GCGR: variants seen among roughly 807,000 people sequenced by gnomAD.
GCGR encodes the protein glucagon receptor.
GCGR carries 41 observed loss-of-function variants against 56.1 expected under a neutral mutation model. The ratio of observed to expected loss-of-function variants is 0.73; its 90% CI spans 0.57 to 0.95. The LOEUF (loss-of-function observed/expected upper bound fraction) is 0.95. GCGR is among the 40% of genes least tolerant of loss of function. GCGR has a pLI of 0.00. For synonymous variants in GCGR, 278 were observed against 271.1 expected, an observed-to-expected ratio of 1.03 and a Z score of -0.25; for missense variants, 595 against 638.2, an observed-to-expected ratio of 0.93 and a Z score of 0.73.
Position 81,808,922 on chromosome 17 carries a change from C to T in GCGR, c.-97C>T, listed in dbSNP as rs2038016373. 3.5e-6 allele frequency: 5 copies of T among 1,443,270 alleles called. No individual in the cohort carries two copies. The highest frequency in any genetic ancestry group is 3.8e-6 in the Non-Finnish European group (4 of 1,064,432). 89.4% of individuals were successfully genotyped at this position (1,443,270 alleles called of 1,614,324 possible). On this transcript the variant is annotated 5_prime_UTR_variant, in exon 2 of 14. Coordinates refer to ENST00000400723, the MANE Select transcript of GCGR (RefSeq NM_000160.5). ...CCCCAGGCTCTGCTGCTCTGCCACT[C>T]AGCTGCCCTCGGAGGAGCGTACACA...
Position 81,809,418 on chromosome 17 carries a change from C to T in GCGR, c.60+340C>T, listed in dbSNP as rs1380881822. On this transcript the variant is annotated intron_variant, in intron 2 of 13. Transcript: ENST00000400723. The stretch of plus-strand genomic sequence containing the variant: ...GTCTGCCTGTCTGCCTGTCCGTCTG[C>T]CTGCCTGTCCGTCTGCCTGTCCGTC... Among the ~76,000 whole-genome samples, 16 of 129,946 alleles carry T rather than the reference C, an allele frequency of 1.2e-4. No homozygotes were observed. The South Asian group carries it at 2.2e-3, about 18-fold the overall frequency. The allele number at this position is 129,946 out of a possible 152,430, so 85.2% of individuals were successfully genotyped here.
rs1457619135 is a variant in GCGR, at chr17:81,811,481, T to G, written c.578T>G (p.Val193Gly). The change falls in exon 7 of 14, where the codon GTC (valine) becomes GGC (glycine). Residue 193 changes from valine (V) to glycine (G), a missense_variant. Val to Gly is a moderately radical substitution (Grantham distance 109, BLOSUM62 -3). Coordinates refer to ENST00000400723, the MANE Select transcript of GCGR (RefSeq NM_000160.5). This position sits in a 1 kb window ranked among gnomAD's most constrained non-coding sequence, Gnocchi z 5.8. ...SFVLKASSVL[V>G]IDGLLRTRYS... Reference sequence around the variant, plus strand: ...GTGCTGAAAGCCAGCTCCGTGCTGGTCATTGATGGGCTGCTCAGGACCCGC... The same window carrying G: ...GTGCTGAAAGCCAGCTCCGTGCTGGGCATTGATGGGCTGCTCAGGACCCGC... 1 of 1,536,646 alleles carries G rather than the reference T, an allele frequency of 6.5e-7. No homozygotes were observed. The highest frequency in any genetic ancestry group is 8.7e-7 in the Non-Finnish European group (1 of 1,146,852).
In GCGR at chr17:81,810,287, G is replaced by A. The variant is rs1381577448; in HGVS notation, c.163+403G>A. 2 of 354,586 alleles carry A rather than the reference G, an allele frequency of 5.6e-6. No homozygotes were observed. The highest frequency in any genetic ancestry group is 4.2e-5 in the African/African-American group (2 of 47,422). 22.0% of individuals were successfully genotyped at this position (354,586 alleles called of 1,614,324 possible). A position where few individuals can be genotyped will look rare whatever the true frequency, so the allele number is the denominator to read the frequency against. On this transcript the variant is annotated intron_variant, in intron 3 of 13. Transcript: ENST00000400723. The surrounding 1 kb of genome is among the most constrained non-coding windows in gnomAD (Gnocchi z 4.6). ...TCATGGCCTGGACACTTGGGGTGCA[G>A]GGAGAGGATAGGGCTGGAGGACTCA... is the stretch of plus-strand genomic sequence containing the variant.
At position 81,810,860 on chromosome 17, in the gene GCGR, T is replaced by C; in HGVS notation, c.199T>C (p.Cys67Arg). The change falls in exon 4 of 14, where the codon TGC (cysteine) becomes CGC (arginine). Residue 67 changes from cysteine (C) to arginine (R), a missense_variant. By Grantham distance (180) the Cys-to-Arg change is radical. Transcript: ENST00000400723. The surrounding 1 kb of genome is among the most constrained non-coding windows in gnomAD (Gnocchi z 4.6). ...CAACAGAACCTTCGACAAGTATTCC[T>C]GCTGGCCGGACACCCCCGCCAATAC... The part of the protein sequence containing the change: ...VCNRTFDKYS[C>R]WPDTPANTTA... 6.5e-7 allele frequency: 1 copy of C among 1,534,254 alleles called. No individual in the cohort carries two copies. Among genetic ancestry groups the C allele is most frequent in the Non-Finnish European group, 8.7e-7 (1 of 1,145,578 alleles).
In GCGR at chr17:81,809,835, C is replaced by T. The variant is rs971096752; in HGVS notation, c.114C>T (p.Leu38=). 2.6e-6 allele frequency: 4 copies of T among 1,536,650 alleles called. No individual in the cohort carries two copies. The highest frequency in any genetic ancestry group is 3.5e-6 in the Non-Finnish European group (4 of 1,146,892). ...VMDFLFEKWK[L]YGDQCHHNLS... ...ACTTCCTGTTTGAGAAGTGGAAGCT[C>T]TACGGTGACCAGTGTCACCACAACC... The change falls in exon 3 of 14, where the codon CTC becomes CTT. Residue 38 remains leucine (L), a synonymous_variant. Transcript: ENST00000400723.
In GCGR at chr17:81,812,303, G is replaced by A. The variant is rs540835244; in HGVS notation, c.948+51G>A. 14 of 1,525,380 alleles carry A rather than the reference G, an allele frequency of 9.2e-6. No homozygotes were observed. The highest frequency in any genetic ancestry group is 3.6e-5 in the South Asian group (3 of 83,816). The allele number at this position is 1,525,380 out of a possible 1,614,324, so 94.5% of individuals were successfully genotyped here. On this transcript the variant is annotated intron_variant, in intron 10 of 13. Coordinates refer to ENST00000400723, the MANE Select transcript of GCGR (RefSeq NM_000160.5). The surrounding 1 kb of genome is among the most constrained non-coding windows in gnomAD (Gnocchi z 8.5). The stretch of plus-strand genomic sequence containing the variant: ...CACCCCAGGCCCCTCCTCCCTTGGC[G>A]TCCTGAGGCTGCCCCAGGAGACAGC...
In GCGR at chr17:81,810,492, G is replaced by A; in HGVS notation, c.164-333G>A. 1 of 448,130 alleles carries A rather than the reference G, an allele frequency of 2.2e-6. No homozygotes were observed. Among genetic ancestry groups the A allele is most frequent in the Admixed American group, 3.6e-5 (1 of 27,958 alleles). The allele number at this position is 448,130 out of a possible 1,614,324, so 27.8% of individuals were successfully genotyped here. A position where few individuals can be genotyped will look rare whatever the true frequency, so the allele number is the denominator to read the frequency against. The stretch of plus-strand genomic sequence containing the variant: ...GCCCCCAGAGAGGGAGGTGCTGAGA[G>A]AAGGTCACGGAGAATGGGGGACCCC... On this transcript the variant is annotated intron_variant, in intron 3 of 13. Transcript: ENST00000400723. This position sits in a 1 kb window ranked among gnomAD's most constrained non-coding sequence, Gnocchi z 4.6.
rs1249306616 is a variant in GCGR at position 81,812,950 on chromosome 17, CCG to C, written c.1176+7_1176+8del. On this transcript the variant is annotated splice_donor_region_variant and intron_variant, in intron 12 of 13. Transcript: ENST00000400723. The surrounding 1 kb of genome is among the most constrained non-coding windows in gnomAD (Gnocchi z 8.5). The stretch of plus-strand genomic sequence containing the variant: ...CTCTTCCTCAGCTCCTTCCAGGTGC[CCG>C]CCCGCCCGCCGGCTCCCCCGCCCGG... 1 of 1,535,546 alleles carries C rather than the reference CCG, an allele frequency of 6.5e-7. No individual in the cohort carries two copies. The highest frequency in any genetic ancestry group is 1.4e-5 in the African/African-American group (1 of 73,142).
rs1379942155 is a variant in GCGR at position 81,809,642 on chromosome 17, TCTGC to T, written c.61-136_61-133del. On this transcript the variant is annotated intron_variant, in intron 2 of 13. Transcript: ENST00000400723. ...GTCTGTCCGTCTGCCTGCCTGTCTG[TCTGC>T]CTGTCTGCCTGTCTGTCTGCCTGTC... The T allele has an allele frequency of 1.0e-5, 7 of 668,026 alleles. No homozygotes were observed. In the African/African-American group the frequency reaches 1.1e-4, roughly 11 times the overall value. The allele number at this position is 668,026 out of a possible 1,614,324, so 41.4% of individuals were successfully genotyped here. A position where few individuals can be genotyped will look rare whatever the true frequency, so the allele number is the denominator to read the frequency against.
In GCGR at chr17:81,811,971, T is replaced by TG. The variant is rs536386489; in HGVS notation, c.878+29dup. On this transcript the variant is annotated intron_variant, in intron 9 of 13. Coordinates refer to ENST00000400723, the MANE Select transcript of GCGR (RefSeq NM_000160.5). The surrounding 1 kb of genome is among the most constrained non-coding windows in gnomAD (Gnocchi z 5.8). ...AGTGAGTATGAGCGGCTGGACAGCC[T>TG]GGGGAGGGACCGGGGGGCTGGGGTG... The TG allele has an allele frequency of 2.3e-4, 358 of 1,531,964 alleles. No individual in the cohort carries two copies. The African/African-American group carries it at 4.3e-3, about 18-fold the overall frequency. 94.9% of individuals were successfully genotyped at this position (1,531,964 alleles called of 1,614,324 possible).
chr17:81,809,146 G>GCC, intron 2 of GCGR, 68 bp downstream of exon 2: 2 of 1,047,246 alleles, frequency 1.9e-6, no homozygotes, highest in East Asian at 3.8e-5. Flanking sequence ...ATGGCTCTCT[G>GCC]TCTGCCTGCC....
At position 81,804,423 on chromosome 17, in the gene GCGR, A is replaced by G. The variant is rs2037903264; in HGVS notation, c.-178+174A>G. Among the ~76,000 whole-genome samples the G allele has an allele frequency of 6.6e-6, 1 of 150,868 alleles. No homozygotes were observed. The highest frequency in any genetic ancestry group is 6.6e-5 in the Admixed American group (1 of 15,212). ...GTCCCGTCAGACACCCCCGTTCCCAACCCCGGCTCGGACACCACCCGGTCC... is the reference window on the plus strand; with the variant it reads ...GTCCCGTCAGACACCCCCGTTCCCAGCCCCGGCTCGGACACCACCCGGTCC... On this transcript the variant is annotated intron_variant, in intron 1 of 13. Coordinates refer to ENST00000400723, the MANE Select transcript of GCGR (RefSeq NM_000160.5). The surrounding 1 kb of genome is among the most constrained non-coding windows in gnomAD (Gnocchi z 8.2).
chr17:81,809,738 C>CCTGTCTGCCTGCATGT (rs1555709465), intron 2 of GCGR, 44 bp from the exon 3 acceptor site: 5 of 1,423,102 alleles, frequency 3.5e-6, no homozygotes, highest in Non-Finnish European at 3.8e-6. Context: ...TGTCTGCCTG[C>CCTGTCTGCCTGCATGT]CTGTCTGTCT....
rs1233390237 is a variant in GCGR at position 81,809,044 on chromosome 17, C to T, written c.26C>T (p.Pro9Leu). MPPCQPQR[P>L]LLLLLLLLAC... is the part of the protein sequence containing the mutation. ...ATGCCCCCCTGCCAGCCACAGCGAC[C>T]CCTGCTGCTGTTGCTGCTGCTGCTG... is the stretch of plus-strand genomic sequence containing the variant. Residue 9 changes from proline (P) to leucine (L), a missense_variant, in exon 2 of 14, where the codon CCC (proline) becomes CTC (leucine). By Grantham distance (98) the Pro-to-Leu change is moderately conservative. Transcript: ENST00000400723. 5 of 1,536,240 alleles carry T rather than the reference C, an allele frequency of 3.3e-6. No homozygotes were observed. Among genetic ancestry groups the T allele is most frequent in the Non-Finnish European group, 4.4e-6 (5 of 1,146,904 alleles).
At position 81,812,674 on chromosome 17, in the gene GCGR, C is replaced by G; in HGVS notation, c.1037+9C>G. 1.3e-6 allele frequency: 2 copies of G among 1,532,530 alleles called. No homozygotes were observed. The highest frequency in any genetic ancestry group is 2.0e-5 in the Admixed American group (1 of 50,884). The allele number at this position is 1,532,530 out of a possible 1,614,324, so 94.9% of individuals were successfully genotyped here. On this transcript the variant is annotated intron_variant, in intron 11 of 13. Transcript: ENST00000400723. This position sits in a 1 kb window ranked among gnomAD's most constrained non-coding sequence, Gnocchi z 8.5. ...ACAGACTACAAGTTCCGGTGGGTGC[C>G]GCGGCAGCTGGCGTCTCGAGACCTG...
In GCGR at chr17:81,809,001, A is replaced by G; in HGVS notation, c.-18A>G. 1 of 1,535,890 alleles carries G rather than the reference A, an allele frequency of 6.5e-7. No individual in the cohort carries two copies. The highest frequency in any genetic ancestry group is 8.7e-7 in the Non-Finnish European group (1 of 1,146,852). On this transcript the variant is annotated 5_prime_UTR_variant, in exon 2 of 14. Transcript: ENST00000400723. ...GCAGCCCCTGCCAGATGTGGGAGGC[A>G]GCTAGCTGCCCAGAGGCATGCCCCC... is the stretch of plus-strand genomic sequence containing the variant.
chr17:81,809,295 C>CCTGCCTGTCTGT (rs1374564628), intron 2 of GCGR, among the ~76,000 whole-genome samples: 2 of 148,930 alleles, frequency 1.3e-5, no homozygotes, highest in African/African-American at 5.0e-5. Context: ...TGTCCGTCTG[C>CCTGCCTGTCTGT]CTGTCTGTCT....
intron 1 of GCGR, among the ~76,000 whole-genome samples, chr17:81,808,349 C>T (rs1214722709): frequency 6.6e-6 from 1 of 152,140 alleles, no homozygotes; most frequent in Non-Finnish European, 1.5e-5. Context: ...GAGGAGGTCA[C>T]CATCTGGGGA....
At position 81,810,950 on chromosome 17, in the gene GCGR, G is replaced by A; in HGVS notation, c.271+18G>A. On this transcript the variant is annotated intron_variant, in intron 4 of 13. Transcript: ENST00000400723. The surrounding 1 kb of genome is among the most constrained non-coding windows in gnomAD (Gnocchi z 4.6). ...CCACAAAGGTACCCATAGAGGGGAG[G>A]AACTGTGGGGGGGGCGGGCCCAGGG... is the stretch of plus-strand genomic sequence containing the variant. 3.2e-6 allele frequency: 4 copies of A among 1,241,876 alleles called. No individual in the cohort carries two copies. Among genetic ancestry groups the A allele is most frequent in the Non-Finnish European group, 4.4e-6 (4 of 908,164 alleles). 76.9% of individuals were successfully genotyped at this position (1,241,876 alleles called of 1,614,324 possible).
Sources: gnomAD v4.1 joint callset for allele counts (sites outside exome capture counted in the v4.1 genomes callset) on GRCh38, gnomAD v4.1.1 for gene constraint, Gnocchi (gnomAD v3.1) non-coding constraint, MANE v1.5 for transcripts, NCBI Gene and HGNC (gene_info 2026-07-23, HGNC 2026-07-21) for gene names.